The following SPATA31F1 variants were observed in gnomAD, a reference collection of about 807,000 sequenced individuals.
SPATA31F1 encodes the protein protein SPATA31F1.
chr9:34,728,774 TAC>T, the SPATA31F1 span: 66 of 919,318 alleles, frequency 7.2e-5, no homozygotes, highest in Non-Finnish European at 1.0e-4. Flanking sequence ...CTGTATTTTA[TAC>T]ACTCTCCTGG....
chr9:34,726,400 G>A, the SPATA31F1 span: 7 of 1,548,604 alleles, frequency 4.5e-6, no homozygotes, highest in South Asian at 7.2e-5. Flanking sequence ...GGTGGGCAGG[G>A]AGGACCATAT....
At chr9:34,729,205 G>T in the SPATA31F1 span, 1 of 1,451,364 alleles carries the variant, frequency 6.9e-7, no homozygotes, top group Non-Finnish European at 9.1e-7. Context: ...TCTGGGGTGG[G>T]GATTATAAGG....
the SPATA31F1 span, chr9:34,726,763 G>A: frequency 6.4e-7 from 1 of 1,551,722 alleles, no homozygotes; most frequent in Non-Finnish European, 8.7e-7. Flanking sequence ...GCTCTCTGGT[G>A]TGCCAGGAAT....
At chr9:34,723,342 G>T in the SPATA31F1 span, 1 of 1,551,694 alleles carries the variant, frequency 6.4e-7, no homozygotes, top group Non-Finnish European at 8.7e-7. Context: ...GAGTGTAGCC[G>T]GAGCTTATCG....
At chr9:34,724,454 G>A in the SPATA31F1 span, 1 of 1,551,598 alleles carries the variant, frequency 6.4e-7, no homozygotes, top group South Asian at 1.2e-5. Flanking sequence ...ACTTTCAAGA[G>A]ACTTCTGTGT....
chr9:34,725,855 T>G, the SPATA31F1 span: 1 of 1,551,876 alleles, frequency 6.4e-7, no homozygotes, highest in Non-Finnish European at 8.7e-7. Flanking sequence ...CAAGGGGGGC[T>G]TGGGCACATT....
the SPATA31F1 span, chr9:34,723,346 C>T: frequency 1.9e-6 from 3 of 1,551,672 alleles, no homozygotes; most frequent in South Asian, 2.4e-5. Context: ...GTAGCCGGAG[C>T]TTATCGTCTA....
chr9:34,723,408 G>A, the SPATA31F1 span: 19 of 1,551,636 alleles, frequency 1.2e-5, no homozygotes, highest in Admixed American at 1.2e-4. Flanking sequence ...TGAGCAGGAC[G>A]AGATTGGGCC....
chr9:34,726,662 C>A, the SPATA31F1 span: 3 of 1,551,662 alleles, frequency 1.9e-6, no homozygotes, highest in Non-Finnish European at 2.6e-6. Context: ...ATCTTGTATG[C>A]CATCTGCATA....
the SPATA31F1 span, chr9:34,727,026 A>G: frequency 6.5e-7 from 1 of 1,528,866 alleles, no homozygotes; most frequent in Non-Finnish European, 8.8e-7. Context: ...CGATGGAGTG[A>G]CATCTGCCTT....
At chr9:34,728,142 A>T in the SPATA31F1 span, 1 of 1,477,602 alleles carries the variant, frequency 6.8e-7, no homozygotes, top group Non-Finnish European at 9.2e-7. Flanking sequence ...ATCCTATAGG[A>T]AGCTGAATAG....
chr9:34,723,570 G>A, the SPATA31F1 span: 2 of 1,551,622 alleles, frequency 1.3e-6, no homozygotes, highest in South Asian at 2.4e-5. Context: ...TTTGTCTTGG[G>A]GTTAATATGC....
chr9:34,727,023 G>A, the SPATA31F1 span: 1 of 1,531,490 alleles, frequency 6.5e-7, no homozygotes, highest in Non-Finnish European at 8.8e-7. Flanking sequence ...TAACGATGGA[G>A]TGACATCTGC....
the SPATA31F1 span, chr9:34,723,102 C>T: frequency 8.7e-6 from 10 of 1,152,748 alleles, no homozygotes; most frequent in South Asian, 1.7e-5. Flanking sequence ...CCCACCTGCA[C>T]ATTTATGGAA....
the SPATA31F1 span, chr9:34,726,564 C>T: frequency 1.3e-6 from 2 of 1,551,878 alleles, no homozygotes; most frequent in Non-Finnish European, 1.7e-6. Context: ...CTTGGCTTCT[C>T]AATCCTTGAA....
At chr9:34,724,224 G>C in the SPATA31F1 span, 1 of 1,551,486 alleles carries the variant, frequency 6.4e-7, no homozygotes, top group African/African-American at 1.4e-5. Context: ...CAAGGCATGT[G>C]GGCCTCTGTC....
At chr9:34,724,919 T>C in the SPATA31F1 span, 2 of 1,551,020 alleles carry the variant, frequency 1.3e-6, no homozygotes, top group Non-Finnish European at 1.7e-6. Context: ...TAAAGTTGTC[T>C]CCAGTTTCTC....
At chr9:34,723,693 C>G in the SPATA31F1 span, 1 of 1,551,444 alleles carries the variant, frequency 6.4e-7, no homozygotes, top group Non-Finnish European at 8.7e-7. Context: ...AAAGTTTGGC[C>G]CTGCAAAGGC....
At chr9:34,724,728 G>T in the SPATA31F1 span, 2 of 1,551,646 alleles carry the variant, frequency 1.3e-6, no homozygotes, top group East Asian at 2.4e-5. Flanking sequence ...CATGGCCCAA[G>T]ACTTATACAC....
Sources: allele counts gnomAD v4.1 joint callset, GRCh38; gene constraint gnomAD v4.1.1; transcripts MANE v1.5; gene names NCBI Gene and HGNC (gene_info 2026-07-23, HGNC 2026-07-21).